PUM2: variants seen among roughly 807,000 people sequenced by gnomAD.
The protein encoded by PUM2 is pumilio RNA binding family member 2, also known as pumilio homolog 2.
In PUM2, 57 loss-of-function variants were observed where a neutral mutation model predicts 124.5. That is an observed-to-expected ratio of 0.46 (90% confidence interval 0.37 to 0.57). The LOEUF is 0.57. Among genes scored for constraint, PUM2 ranks in the 20% least tolerant of loss-of-function variants. PUM2 has a pLI of 0.00. For synonymous variants in PUM2, 460 were observed against 446.1 expected (o/e 1.03, Z -0.39); for missense variants, 1,065 against 1,290.6 (o/e 0.83, Z 2.68).
chr2:20,330,653 T>C (rs1684718763), intron 1 of PUM2, among the ~76,000 whole-genome samples: 1 of 152,230 alleles, frequency 6.6e-6, no homozygotes, highest in African/African-American at 2.4e-5. Flanking sequence ...TTCTTTGTAA[T>C]ATCCTTTATA....
chr2:20,318,748 T>C (rs958023824), intron 2 of PUM2, 103 bp from the exon 3 acceptor site: 2 of 702,968 alleles, frequency 2.8e-6, no homozygotes, highest in African/African-American at 3.6e-5. Context: ...TAGTTTTCAA[T>C]GCTAATGAAA....
At chr2:20,263,135 T>G in intron 14 of PUM2, 58 bp downstream of exon 14, 4 of 1,489,450 alleles carry the variant, frequency 2.7e-6, no homozygotes, top group Non-Finnish European at 3.7e-6. Flanking sequence ...AATTTAAGCT[T>G]TTATAAGGCA....
chr2:20,343,184 C>A (rs755025074), intron 1 of PUM2, among the ~76,000 whole-genome samples: 24 of 151,978 alleles, frequency 1.6e-4, no homozygotes, highest in Admixed American at 1.6e-3. Context: ...TTCACTTAAG[C>A]AAATGTTTGG....
chr2:20,283,229 C>T lies in PUM2; in HGVS notation c.1438G>A (p.Ala480Thr), dbSNP rs1265153911. 1 of 1,610,902 alleles carries T rather than the reference C, an allele frequency of 6.2e-7. No individual in the cohort carries two copies. ...GCAGTTCCTCCAGCTGCTGCTGCTG[C>T]TGCTGTAAAATAAATTTCAGATACT... ...LISSAAAQAA[A>T]AAAAGGTASS... The change falls in exon 12 of 21, where the codon GCA becomes ACA. Residue 480 changes from alanine to threonine, a missense_variant and splice_region_variant. Coordinates refer to ENST00000361078, the MANE Select transcript of PUM2 (RefSeq NM_015317.5).
rs778441844 is a variant in PUM2, at chr2:20,318,528, G to C, written c.160+9C>G. 1 of 1,588,038 alleles carries C rather than the reference G, an allele frequency of 6.3e-7. No homozygotes were observed. On this transcript the variant is annotated intron_variant, in intron 3 of 20. Coordinates refer to ENST00000361078, the MANE Select transcript of PUM2 (RefSeq NM_015317.5). ...ATTCACAATTCTCACACATATACCAGTAACTTACGAGAAGCTCCCCATGCA... is the reference window on the plus strand; with the variant it reads ...ATTCACAATTCTCACACATATACCACTAACTTACGAGAAGCTCCCCATGCA...
intron 8 of PUM2, among the ~76,000 whole-genome samples, chr2:20,295,226 T>C (rs1010866225): frequency 3.9e-5 from 6 of 152,202 alleles, no homozygotes; most frequent in African/African-American, 1.2e-4. Context: ...AGATAATATT[T>C]GATTCCTAGA....
chr2:20,328,420 T>C (rs529260456), intron 1 of PUM2, among the ~76,000 whole-genome samples: 1 of 152,150 alleles, frequency 6.6e-6, no homozygotes, highest in South Asian at 2.1e-4. Context: ...ACATCAATCA[T>C]GAAGTCTGGA....
At position 20,303,962 on chromosome 2, in the gene PUM2, C is replaced by T. The variant is rs867483474; in HGVS notation, c.883+4016G>A. ...TAAAGTTCCCTTCCATAACTTAGAA[C>T]TCTGCGACATGTTTTCTGGCTGATC... On this transcript the variant is annotated intron_variant, in intron 7 of 20. Coordinates refer to ENST00000361078, the MANE Select transcript of PUM2 (RefSeq NM_015317.5). Among the ~76,000 whole-genome samples, 12 of 149,724 alleles carry T rather than the reference C, an allele frequency of 8.0e-5. No individual in the cohort carries two copies. In the South Asian group the frequency reaches 1.1e-3, roughly 13 times the overall value.
At chr2:20,305,728 G>A (rs1678098216) in intron 7 of PUM2, among the ~76,000 whole-genome samples, 1 of 152,004 alleles carries the variant, frequency 6.6e-6, no homozygotes, top group South Asian at 2.1e-4. Flanking sequence ...CTGATATATG[G>A]TACTTGAGTT....
Position 20,296,885 on chromosome 2 carries a change from GCTT to G in PUM2, c.1009+665_1009+667del, listed in dbSNP as rs559361223. On this transcript the variant is annotated intron_variant, in intron 8 of 20. Coordinates refer to ENST00000361078, the MANE Select transcript of PUM2 (RefSeq NM_015317.5). Reference sequence around the variant, plus strand: ...CTTACTTACACAGACAATAAATACAGCTTTTTTGTTGTTGTTTTCATTTTTAGA... The same window carrying G: ...CTTACTTACACAGACAATAAATACAGTTTTGTTGTTGTTTTCATTTTTAGA... Among the ~76,000 whole-genome samples the G allele has an allele frequency of 7.7e-3, 1,165 of 152,190 alleles. 11 individuals carry two copies. Among genetic ancestry groups the G allele is most frequent in the African/African-American group, 0.027 (1,115 of 41,518 alleles).
chr2:20,279,798 C>T (rs1254462951), intron 12 of PUM2, among the ~76,000 whole-genome samples: 1 of 152,122 alleles, frequency 6.6e-6, no homozygotes, highest in Non-Finnish European at 1.5e-5. Context: ...AATTCCACAG[C>T]ATGCATCTCT....
At chr2:20,329,421 G>A (rs1307632528) in intron 1 of PUM2, among the ~76,000 whole-genome samples, 16 of 139,880 alleles carry the variant, frequency 1.1e-4, no homozygotes, top group Admixed American at 1.1e-3. Context: ...AATAGAACGA[G>A]AGCCCCCTCA....
intron 10 of PUM2, among the ~76,000 whole-genome samples, chr2:20,288,180 A>G (rs1441072907): frequency 6.6e-6 from 1 of 152,230 alleles, no homozygotes; most frequent in African/African-American, 2.4e-5. Context: ...CTGACTCTGA[A>G]GAAGGCAGCC....
At chr2:20,292,298 T>G (rs1161635384) in intron 9 of PUM2, among the ~76,000 whole-genome samples, 1 of 134,294 alleles carries the variant, frequency 7.4e-6, no homozygotes, top group Non-Finnish European at 1.7e-5. Context: ...AGTTGGTAGT[T>G]TTTTTTTTTT....
chr2:20,253,698 TA>T, intron 20 of PUM2, 123 bp downstream of exon 20: 1 of 892,636 alleles, frequency 1.1e-6, no homozygotes, highest in Middle Eastern at 3.0e-4. Context: ...TGCCAAAGGA[TA>T]TCCATCGATT....
chr2:20,315,057 CTTCTT>C (rs1371222773), intron 3 of PUM2, among the ~76,000 whole-genome samples: 4 of 99,052 alleles, frequency 4.0e-5, no homozygotes, highest in African/African-American at 1.1e-4. Context: ...AGGAAGTGTG[CTTCTT>C]TTTTTTTTTT....
intron 1 of PUM2, among the ~76,000 whole-genome samples, chr2:20,329,187 A>G (rs1684347888): frequency 6.6e-6 from 1 of 151,588 alleles, no homozygotes; most frequent in South Asian, 2.1e-4. Flanking sequence ...AAAAAAAAAA[A>G]AAAAAGATAA....
chr2:20,303,598 T>C (rs1440786370), intron 7 of PUM2, among the ~76,000 whole-genome samples: 1 of 152,228 alleles, frequency 6.6e-6, no homozygotes, highest in Non-Finnish European at 1.5e-5. Context: ...TGGAAAAGTT[T>C]ACAGTTTTCT....
intron 7 of PUM2, among the ~76,000 whole-genome samples, chr2:20,307,559 C>T (rs147678658): frequency 1.3e-5 from 2 of 152,106 alleles, no homozygotes; most frequent in African/African-American, 4.8e-5. Context: ...GTGGGGAGAC[C>T]TAGTACAGAC....
Sources: gnomAD v4.1 joint callset for allele counts (sites outside exome capture counted in the v4.1 genomes callset) on GRCh38, gnomAD v4.1.1 for gene constraint, MANE v1.5 for transcripts, NCBI Gene and HGNC (gene_info 2026-07-23, HGNC 2026-07-21) for gene names.